Variants in LRCH1 observed in about 807,000 individuals in gnomAD.
The protein encoded by LRCH1 is leucine rich repeats and calponin homology domain containing 1.
Under a neutral mutation model 94.9 loss-of-function variants are expected in LRCH1, and 23 were observed. That is an observed-to-expected ratio of 0.24 (90% confidence interval 0.17 to 0.34). The LOEUF (loss-of-function observed/expected upper bound fraction) is 0.34, where lower values mean the gene tolerates loss of function less well. Ranked by LOEUF, LRCH1 falls within the 10% of genes least tolerant of loss-of-function variation. LRCH1 has a pLI of 1.00. For synonymous variants in LRCH1, 364 were observed against 354.9 expected (o/e 1.03, Z -0.29); for missense variants, 790 against 945.9 (o/e 0.84, Z 2.16).
intron 1 of LRCH1, among the ~76,000 whole-genome samples, chr13:46,597,676 G>T (rs2050580189): frequency 6.6e-6 from 1 of 152,046 alleles, no homozygotes; most frequent in Admixed American, 6.6e-5. Flanking sequence ...GTTTTTAAGT[G>T]CAAGAAGGCT....
At chr13:46,731,805 C>G (rs1352533353) in intron 18 of LRCH1, among the ~76,000 whole-genome samples, 2 of 152,132 alleles carry the variant, frequency 1.3e-5, no homozygotes, top group African/African-American at 4.8e-5. Context: ...AAAGCCATGC[C>G]CCCACCTGCC....
At chr13:46,672,451 A>G (rs2051613494) in intron 3 of LRCH1, among the ~76,000 whole-genome samples, 1 of 151,972 alleles carries the variant, frequency 6.6e-6, no homozygotes, top group South Asian at 2.1e-4. Context: ...CTTGGGTGTA[A>G]ATGACACCGC....
intron 1 of LRCH1, among the ~76,000 whole-genome samples, chr13:46,573,867 T>TATATATATATATA (rs1555269135): frequency 1.5e-4 from 8 of 53,024 alleles, no homozygotes; most frequent in African/African-American, 2.7e-4. Context: ...TATATATATA[T>TATATATATATATA]TTTTTTTTTT....
intron 16 of LRCH1, among the ~76,000 whole-genome samples, chr13:46,720,198 G>A (rs568012204): frequency 6.6e-6 from 1 of 152,024 alleles, no homozygotes; most frequent in Non-Finnish European, 1.5e-5. Context: ...ACCAGCCTGG[G>A]CAATATGGCG....
At chr13:46,751,027 G>T in exon 19 of LRCH1, 1 of 155,210 alleles carries the variant, frequency 6.4e-6, no homozygotes, top group Admixed American at 6.5e-5. Context: ...TATGTATTTA[G>T]TGGGGGGAGG....
chr13:46,649,044 C>T (rs1420107305), intron 1 of LRCH1, among the ~76,000 whole-genome samples: 1 of 152,148 alleles, frequency 6.6e-6, no homozygotes, highest in Non-Finnish European at 1.5e-5. Flanking sequence ...AACCATCATT[C>T]TCAAAATTAT....
chr13:46,633,380 T>C (rs999496631), intron 1 of LRCH1, among the ~76,000 whole-genome samples: 1 of 152,258 alleles, frequency 6.6e-6, no homozygotes, highest in Non-Finnish European at 1.5e-5. Context: ...AGTGATAATG[T>C]AGCAATTAAA....
chr13:46,582,926 C>G (rs2050389815), intron 1 of LRCH1, among the ~76,000 whole-genome samples: 1 of 151,896 alleles, frequency 6.6e-6, no homozygotes, highest in African/African-American at 2.4e-5. Flanking sequence ...AAGACTTGCT[C>G]TCTCAGTAAG....
intron 1 of LRCH1, among the ~76,000 whole-genome samples, chr13:46,578,272 C>A (rs769489035): frequency 5.3e-5 from 8 of 152,222 alleles, no homozygotes; most frequent in Non-Finnish European, 7.3e-5. Flanking sequence ...TGAAAGTCTC[C>A]ATGACTTAAT....
intron 1 of LRCH1, among the ~76,000 whole-genome samples, chr13:46,636,548 C>G (rs1408984751): frequency 6.6e-6 from 1 of 152,202 alleles, no homozygotes; most frequent in Non-Finnish European, 1.5e-5. Flanking sequence ...CCTTCTATCT[C>G]TGTAAATTTG....
chr13:46,688,685 A>T (rs1870743464), intron 6 of LRCH1, among the ~76,000 whole-genome samples: 1 of 152,240 alleles, frequency 6.6e-6, no homozygotes, highest in South Asian at 2.1e-4. Context: ...AATGCTTAAA[A>T]TATGTACACT....
At chr13:46,611,449 ATT>A (rs1373451380) in intron 1 of LRCH1, among the ~76,000 whole-genome samples, 1 of 152,184 alleles carries the variant, frequency 6.6e-6, no homozygotes, top group African/African-American at 2.4e-5. Flanking sequence ...CAATAGAGAT[ATT>A]TGGCTCAAAA....
intron 1 of LRCH1, among the ~76,000 whole-genome samples, chr13:46,574,973 C>T (rs1488816267): frequency 6.6e-6 from 1 of 152,020 alleles, no homozygotes; most frequent in Non-Finnish European, 1.5e-5. Context: ...ATGAGGTTTA[C>T]ATGATGTATC....
intron 1 of LRCH1, among the ~76,000 whole-genome samples, chr13:46,574,612 C>T (rs944825154): frequency 5.9e-5 from 9 of 152,120 alleles, no homozygotes; most frequent in Admixed American, 6.5e-5. Context: ...ATTTGTAGAT[C>T]CCACTTCCCC....
chr13:46,596,006 A>G (rs908348919), intron 1 of LRCH1, among the ~76,000 whole-genome samples: 8 of 152,180 alleles, frequency 5.3e-5, no homozygotes, highest in Admixed American at 5.2e-4. Flanking sequence ...TTAGTTTTAA[A>G]CAGGCAAAAA....
chr13:46,621,523 A>C (rs2050879613), intron 1 of LRCH1, among the ~76,000 whole-genome samples: 1 of 152,198 alleles, frequency 6.6e-6, no homozygotes, highest in Non-Finnish European at 1.5e-5. Flanking sequence ...GGTTAATTGC[A>C]GTGGCATTAG....
chr13:46,660,172 C>T (rs1034779359), intron 2 of LRCH1, among the ~76,000 whole-genome samples: 9 of 151,486 alleles, frequency 5.9e-5, no homozygotes, highest in Non-Finnish European at 1.0e-4. Context: ...CCACCACGCC[C>T]GGCTAATTTT....
chr13:46,617,661 T>C lies in LRCH1; in HGVS notation c.308-32540T>C, dbSNP rs113192179. Among the ~76,000 whole-genome samples the C allele has an allele frequency of 6.4e-3, 974 of 152,326 alleles. 7 individuals carry two copies. The highest frequency in any genetic ancestry group is 0.02 in the South Asian group (95 of 4,824). On this transcript the variant is annotated intron_variant, in intron 1 of 19. Coordinates refer to ENST00000389797, the MANE Select transcript of LRCH1 (RefSeq NM_001164211.2). ...GTCGTTGGTCCTTGCCTAACCCTTG[T>C]CTTTGAAAGATACAGATCCAATCTC...
intron 5 of LRCH1, 42 bp downstream of exon 5, chr13:46,686,083 C>A: frequency 1.4e-6 from 2 of 1,427,670 alleles, no homozygotes; most frequent in Non-Finnish European, 9.2e-7. Flanking sequence ...ATGGGATGTG[C>A]TGTTATAGGA....
Sources: allele counts gnomAD v4.1 joint callset (sites outside exome capture counted in the v4.1 genomes callset), GRCh38; gene constraint gnomAD v4.1.1; transcripts MANE v1.5; gene names NCBI Gene and HGNC (gene_info 2026-07-23, HGNC 2026-07-21).